PITPNM3: variants seen among roughly 807,000 people sequenced by gnomAD.
PITPNM3 encodes the protein PITPNM family member 3.
In PITPNM3, 26 loss-of-function variants were observed where a neutral mutation model predicts 102.0. That is an observed-to-expected ratio of 0.25 (90% CI 0.19 to 0.35). The LOEUF (loss-of-function observed/expected upper bound fraction) is 0.35, where lower values mean the gene tolerates loss of function less well. Among genes scored for constraint, PITPNM3 ranks in the 10% least tolerant of loss-of-function variants. The pLI, the probability that PITPNM3 is intolerant of heterozygous loss-of-function variation, is 1.00. For missense variants in PITPNM3, 1,083 were observed against 1,346.1 expected (o/e 0.80, Z 3.06); for synonymous variants, 578 against 558.6 (o/e 1.03, Z -0.49).
At chr17:6,473,637 A>G (rs574241760) in intron 10 of PITPNM3, among the ~76,000 whole-genome samples, 12 of 152,224 alleles carry the variant, frequency 7.9e-5, no homozygotes, top group African/African-American at 2.6e-4. Context: ...GCTGGTGCCA[A>G]TCGCCTGGTG....
In PITPNM3 at chr17:6,484,286, A is replaced by G. The variant is rs2150738281; in HGVS notation, c.281T>C (p.Leu94Pro). 1.2e-6 allele frequency: 2 copies of G among 1,605,844 alleles called. No homozygotes were observed. The highest frequency in any genetic ancestry group is 1.3e-5 in the African/African-American group (1 of 74,822). ...CTGTCTTCTCAAGGAAACCCGGTAC[A>G]GTTCTCCTGCAGAGGGAAAGAGGGG... ...SSILQEKQRELYRVSLRRQRF... is the reference protein window; with the variant it reads ...SSILQEKQREPYRVSLRRQRF... The change falls in exon 5 of 20, where the codon CTG (leucine) becomes CCG (proline). Residue 94 changes from leucine to proline, a missense_variant. Around this residue, in one of 5 missense-constraint regions of PITPNM3, gnomAD observed 290 missense variants for 337.8 expected, o/e 0.86. Coordinates refer to ENST00000262483, the MANE Select transcript of PITPNM3 (RefSeq NM_031220.4).
At position 6,546,335 on chromosome 17, in the gene PITPNM3, G is replaced by A. The variant is rs116067954; in HGVS notation, c.23-8253C>T. On this transcript the variant is annotated intron_variant, in intron 1 of 19. Coordinates refer to ENST00000262483, the MANE Select transcript of PITPNM3 (RefSeq NM_031220.4). ...TGAAGCCAACATCCTGGAGAACCCC[G>A]GAAGAAATCCAGCTTCCAGGGCAAC... Among the ~76,000 whole-genome samples, 922 of 152,324 alleles carry A rather than the reference G, an allele frequency of 6.1e-3. 10 individuals carry two copies. The highest frequency in any genetic ancestry group is 0.021 in the African/African-American group (862 of 41,572).
intron 8 of PITPNM3, 118 bp downstream of exon 8, chr17:6,477,857 C>G: frequency 6.5e-7 from 1 of 1,548,336 alleles, no homozygotes; most frequent in Non-Finnish European, 8.8e-7. Flanking sequence ...GATTATGATA[C>G]ACTTCTTTGT....
chr17:6,519,060 G>A (rs954808174), intron 3 of PITPNM3, among the ~76,000 whole-genome samples: 2 of 152,054 alleles, frequency 1.3e-5, no homozygotes, highest in Admixed American at 6.5e-5. Flanking sequence ...TTTGTAGGCC[G>A]GGCATGGTGG....
intron 1 of PITPNM3, among the ~76,000 whole-genome samples, chr17:6,542,643 C>A (rs1455342012): frequency 3.3e-5 from 5 of 152,208 alleles, no homozygotes; most frequent in Admixed American, 6.5e-5. Flanking sequence ...ACTTACCCCA[C>A]TGTTAGGAGA....
At chr17:6,498,733 A>T (rs138608808) in intron 4 of PITPNM3, among the ~76,000 whole-genome samples, 234 of 152,276 alleles carry the variant, frequency 1.5e-3, no homozygotes, top group Admixed American at 3.2e-3. Flanking sequence ...ACAGAGACAG[A>T]GAAGTCTAGA....
chr17:6,538,113 C>T (rs779183143), intron 1 of PITPNM3, 31 bp from the exon 2 acceptor site: 8 of 1,525,140 alleles, frequency 5.2e-6, no homozygotes, highest in Non-Finnish European at 7.3e-6. Context: ...GTTAACCAAG[C>T]CTGAGATGTT....
rs1597366648 is a variant in PITPNM3 at position 6,469,876 on chromosome 17, T to C, written c.1773+384A>G. ...ACCCCTACCAGCTCCCCAGACTCCCTCCCCACCAGGCTCTCCTTCTGGCGC... is the reference window on the plus strand; with the variant it reads ...ACCCCTACCAGCTCCCCAGACTCCCCCCCCACCAGGCTCTCCTTCTGGCGC... On this transcript the variant is annotated intron_variant, in intron 13 of 19. Transcript: ENST00000262483. The surrounding 1 kb of genome is among the most constrained non-coding windows in gnomAD (Gnocchi z 4.0). Among the ~76,000 whole-genome samples the C allele has an allele frequency of 6.6e-6, 1 of 152,204 alleles. No homozygotes were observed. Among genetic ancestry groups the C allele is most frequent in the African/African-American group, 2.4e-5 (1 of 41,538 alleles).
chr17:6,536,042 C>T (rs1284295099), intron 2 of PITPNM3, among the ~76,000 whole-genome samples: 1 of 146,280 alleles, frequency 6.8e-6, no homozygotes, highest in Non-Finnish European at 1.5e-5. Flanking sequence ...GCCACCTGGG[C>T]TACAAAGCGA....
rs1353005517 is a variant in PITPNM3, at chr17:6,517,551, G to A, written c.226+7805C>T. Among the ~76,000 whole-genome samples the A allele has an allele frequency of 6.6e-6, 1 of 151,466 alleles. No individual in the cohort carries two copies. Among genetic ancestry groups the A allele is most frequent in the Admixed American group, 6.6e-5 (1 of 15,254 alleles). ...ATCCAAACCCTGGTAGAAAATGCCA[G>A]TTTTTATTTTTAATTTTTTTTTTTT... On this transcript the variant is annotated intron_variant, in intron 3 of 19. Transcript: ENST00000262483. The surrounding 1 kb of genome is among the most constrained non-coding windows in gnomAD (Gnocchi z 4.1).
At chr17:6,456,157 G>C (rs1914107753) in intron 19 of PITPNM3, among the ~76,000 whole-genome samples, 1 of 151,922 alleles carries the variant, frequency 6.6e-6, no homozygotes, top group South Asian at 2.1e-4. Flanking sequence ...CCGAGTAACT[G>C]GGACCACGGG....
intron 1 of PITPNM3, among the ~76,000 whole-genome samples, chr17:6,549,840 T>C (rs1463679620): frequency 2.6e-5 from 4 of 152,124 alleles, no homozygotes; most frequent in African/African-American, 9.7e-5. Flanking sequence ...GGCCACCCCC[T>C]TCCGGGCTCC....
chr17:6,483,837 A>C (rs1394956778), intron 5 of PITPNM3, 85 bp from the exon 6 acceptor site: 1 of 1,140,556 alleles, frequency 8.8e-7, no homozygotes, highest in Non-Finnish European at 1.3e-6. Context: ...ACATGTGCGC[A>C]TACACACACA....
At position 6,455,422 on chromosome 17, in the gene PITPNM3, C is replaced by T. The variant is rs1366345100; in HGVS notation, c.2841G>A (p.Gln947=). 3 of 1,602,400 alleles carry T rather than the reference C, an allele frequency of 1.9e-6. No individual in the cohort carries two copies. The African/African-American group carries it at 4.0e-5, about 21-fold the overall frequency. ...GCTCGTGGTCTTTGTCCGACTCGGGCTGGCTCTGGGCCCGCTCGGGCTTGG... is the reference window on the plus strand; with the variant it reads ...GCTCGTGGTCTTTGTCCGACTCGGGTTGGCTCTGGGCCCGCTCGGGCTTGG... The part of the protein sequence containing the change: ...ANPKPERAQS[Q]PESDKDHERP... The change falls in exon 20 of 20, where the codon CAG becomes CAA. Residue 947 remains glutamine, a synonymous_variant. Coordinates refer to ENST00000262483, the MANE Select transcript of PITPNM3 (RefSeq NM_031220.4).
intron 3 of PITPNM3, among the ~76,000 whole-genome samples, chr17:6,520,843 C>T (rs375193431): frequency 6.6e-6 from 1 of 152,156 alleles, no homozygotes; most frequent in Non-Finnish European, 1.5e-5. Flanking sequence ...GCAAGATGAA[C>T]GAACCTCGAA....
At chr17:6,553,709 T>TG (rs1323562290) in intron 1 of PITPNM3, among the ~76,000 whole-genome samples, 4 of 152,130 alleles carry the variant, frequency 2.6e-5, no homozygotes, top group Non-Finnish European at 5.9e-5. Flanking sequence ...CCTCCACTCC[T>TG]GGCCTTCAGC....
At chr17:6,553,246 C>G (rs1356032100) in intron 1 of PITPNM3, among the ~76,000 whole-genome samples, 1 of 152,160 alleles carries the variant, frequency 6.6e-6, no homozygotes, top group Non-Finnish European at 1.5e-5. Flanking sequence ...CTGCCCCCAC[C>G]TCCCTGTTGC....
At position 6,556,356 on chromosome 17, in the gene PITPNM3, G is replaced by A. The variant is rs1295881661; in HGVS notation, c.22+29C>T. 5 of 1,316,362 alleles carry A rather than the reference G, an allele frequency of 3.8e-6. No individual in the cohort carries two copies. The highest frequency in any genetic ancestry group is 1.0e-6 in the Non-Finnish European group (1 of 1,003,374). The allele number at this position is 1,316,362 out of a possible 1,614,324, so 81.5% of individuals were successfully genotyped here. On this transcript the variant is annotated intron_variant, in intron 1 of 19. Coordinates refer to ENST00000262483, the MANE Select transcript of PITPNM3 (RefSeq NM_031220.4). This position sits in a 1 kb window ranked among gnomAD's most constrained non-coding sequence, Gnocchi z 5.2. ...CGCGCGAGTCCCTCCCCCGGGCCCC[G>A]GCCCTGCCCTCCCCGCGCCCGCCCT...
chr17:6,455,476 C>A lies in PITPNM3; in HGVS notation c.2787G>T (p.Val929=). ...KRNHLRRTMS[V]QQPDPPAANP... is the part of the protein sequence containing the mutation. ...TGGCGGCGGGCGGGTCGGGCTGCTG[C>A]ACTGACATGGTTCTGCGCAGGTGGT... The change falls in exon 20 of 20, where the codon GTG becomes GTT. Residue 929 remains valine (V), a synonymous_variant. Transcript: ENST00000262483. The A allele has an allele frequency of 1.9e-6, 3 of 1,605,608 alleles. No homozygotes were observed. Among genetic ancestry groups the A allele is most frequent in the Non-Finnish European group, 2.5e-6 (3 of 1,179,610 alleles).
Sources: allele counts gnomAD v4.1 joint callset (sites outside exome capture counted in the v4.1 genomes callset), GRCh38; gene constraint gnomAD v4.1.1; regional missense constraint gnomAD v4.1.1; non-coding constraint Gnocchi (gnomAD v3.1); transcripts MANE v1.5; gene names NCBI Gene and HGNC (gene_info 2026-07-23, HGNC 2026-07-21).